Variants in MYO1D observed in about 807,000 individuals in gnomAD.
The protein encoded by MYO1D is unconventional myosin-Id.
MYO1D carries 83 observed loss-of-function variants against 122.0 expected under a neutral mutation model. The ratio of observed to expected loss-of-function variants is 0.68; its 90% CI spans 0.57 to 0.82. The LOEUF (loss-of-function observed/expected upper bound fraction) is 0.82. Among genes scored for constraint, MYO1D ranks in the 40% least tolerant of loss-of-function variants. The pLI is 0.00. For synonymous variants in MYO1D, 464 were observed against 446.9 expected (o/e 1.04, Z -0.48); for missense variants, 1,157 against 1,269.5 (o/e 0.91, Z 1.35).
At chr17:32,799,275 C>T (rs191132399) in intron 1 of MYO1D, among the ~76,000 whole-genome samples, 1 of 152,096 alleles carries the variant, frequency 6.6e-6, no homozygotes, top group African/African-American at 2.4e-5. Context: ...AATTAAATCT[C>T]GTTTATTGCT....
intron 21 of MYO1D, among the ~76,000 whole-genome samples, chr17:32,537,625 T>A (rs1287453065): frequency 6.6e-6 from 1 of 152,192 alleles, no homozygotes; most frequent in African/African-American, 2.4e-5. Context: ...AAACAACATT[T>A]AAATACTCCA....
intron 1 of MYO1D, among the ~76,000 whole-genome samples, chr17:32,835,022 C>A (rs1281909638): frequency 6.6e-6 from 1 of 152,040 alleles, no homozygotes; most frequent in East Asian, 1.9e-4. Context: ...AAAACAAAAA[C>A]AAACAAACAA....
At chr17:32,770,584 C>T (rs556135316) in intron 6 of MYO1D, among the ~76,000 whole-genome samples, 1 of 151,948 alleles carries the variant, frequency 6.6e-6, no homozygotes, top group Non-Finnish European at 1.5e-5. Flanking sequence ...AGCAAAAATA[C>T]GCCTGCATGT....
Position 32,659,212 on chromosome 17 carries a change from C to T in MYO1D, c.2248G>A (p.Val750Ile), listed in dbSNP as rs762168806. The change falls in exon 17 of 22, where the codon GTC becomes ATC. Residue 750 changes from valine (V) to isoleucine (I), a missense_variant. Transcript: ENST00000318217. ...IHEVARRFHG[V>I]KTMRDYGKHV... ...TTCCCGTAGTCTCGCATGGTCTTGA[C>T]GCCATGGAAGCGTCTGGCCACCTCG... The T allele has an allele frequency of 3.7e-6, 6 of 1,614,212 alleles. No individual in the cohort carries two copies. In the East Asian group the frequency reaches 6.7e-5, roughly 18 times the overall value.
chr17:32,648,128 C>A (rs183692516), intron 19 of MYO1D, among the ~76,000 whole-genome samples: 1 of 152,068 alleles, frequency 6.6e-6, no homozygotes, highest in African/African-American at 2.4e-5. Flanking sequence ...GCAGGAGAAT[C>A]GCTTGAACCC....
intron 21 of MYO1D, among the ~76,000 whole-genome samples, chr17:32,540,942 AAAGAC>A (rs1910821754): frequency 6.6e-6 from 1 of 151,694 alleles, no homozygotes; most frequent in Non-Finnish European, 1.5e-5. Flanking sequence ...AAAAAAAAAA[AAAGAC>A]AGTAAGTGTT....
At chr17:32,821,539 CAT>C (rs754189766) in intron 1 of MYO1D, among the ~76,000 whole-genome samples, 20,669 of 145,302 alleles carry the variant, frequency 0.14, 1,747 homozygotes, top group Middle Eastern at 0.25. Flanking sequence ...GTAAATCACA[CAT>C]ACACACACAC....
chr17:32,872,737 C>T (rs1256978126), intron 1 of MYO1D, among the ~76,000 whole-genome samples: 5 of 150,590 alleles, frequency 3.3e-5, no homozygotes, highest in Non-Finnish European at 7.4e-5. Context: ...TCACCCAGGC[C>T]GGACTGCGGA....
intron 20 of MYO1D, among the ~76,000 whole-genome samples, chr17:32,626,339 C>T (rs1434362943): frequency 2.0e-5 from 3 of 152,164 alleles, no homozygotes; most frequent in Non-Finnish European, 1.5e-5. Flanking sequence ...TATACATCTC[C>T]GTGTATGGCT....
chr17:32,711,388 C>T (rs2089374105), intron 16 of MYO1D, among the ~76,000 whole-genome samples: 1 of 152,222 alleles, frequency 6.6e-6, no homozygotes, highest in South Asian at 2.1e-4. Context: ...TGGCTCACGC[C>T]TGTAATCCCA....
chr17:32,639,529 T>TA (rs1218408299), intron 19 of MYO1D, among the ~76,000 whole-genome samples: 2 of 151,934 alleles, frequency 1.3e-5, no homozygotes, highest in Admixed American at 6.6e-5. Context: ...TAGACTTGGG[T>TA]AATAAACACA....
At chr17:32,698,240 C>A (rs1428349388) in intron 16 of MYO1D, among the ~76,000 whole-genome samples, 2 of 151,946 alleles carry the variant, frequency 1.3e-5, no homozygotes, top group Non-Finnish European at 2.9e-5. Context: ...TGTTTTCTTT[C>A]TTTTCTCTTT....
intron 21 of MYO1D, among the ~76,000 whole-genome samples, chr17:32,578,076 T>C (rs2087295935): frequency 6.6e-6 from 1 of 152,226 alleles, no homozygotes. Flanking sequence ...GAGGTAGCTA[T>C]TAGAATGCCC....
chr17:32,810,691 G>A (rs913762224), intron 1 of MYO1D, among the ~76,000 whole-genome samples: 13 of 152,036 alleles, frequency 8.6e-5, no homozygotes, highest in African/African-American at 3.1e-4. Context: ...TGGCCAGGCT[G>A]GTTTCGAACT....
intron 16 of MYO1D, among the ~76,000 whole-genome samples, chr17:32,665,336 T>C (rs2088622641): frequency 6.6e-6 from 1 of 152,092 alleles, no homozygotes; most frequent in African/African-American, 2.4e-5. Flanking sequence ...TCTCTCCCAC[T>C]AGAATTTAAG....
chr17:32,718,993 A>G (rs981530927), intron 15 of MYO1D, among the ~76,000 whole-genome samples: 2 of 152,250 alleles, frequency 1.3e-5, no homozygotes, highest in African/African-American at 4.8e-5. Context: ...CTTAGTAGGC[A>G]TTTCAAAGTG....
rs573402287 is a variant in MYO1D, at chr17:32,821,965, G to A, written c.96-41181C>T. ...TTCAACCATTGTGGAAGTCAGTGTG[G>A]CCATTCCTCAGGGATCTAGAACTAG... On this transcript the variant is annotated intron_variant, in intron 1 of 21. Coordinates refer to ENST00000318217, the MANE Select transcript of MYO1D (RefSeq NM_015194.3). 5.9e-5 allele frequency among the ~76,000 whole-genome samples: 9 copies of A among 152,286 alleles called. No homozygotes were observed. In the South Asian group the frequency reaches 1.4e-3, roughly 25 times the overall value.
chr17:32,719,004 A>G (rs1598036905), intron 15 of MYO1D, among the ~76,000 whole-genome samples: 1 of 152,348 alleles, frequency 6.6e-6, no homozygotes, highest in Middle Eastern at 3.4e-3. Context: ...TTTCAAAGTG[A>G]ACATAGAGAT....
At chr17:32,804,931 T>C (rs145439762) in intron 1 of MYO1D, among the ~76,000 whole-genome samples, 91 of 152,304 alleles carry the variant, frequency 6.0e-4, no homozygotes, top group South Asian at 2.1e-4. Context: ...ACAAGCTGGA[T>C]TGGTCACACA....
Sources: allele counts gnomAD v4.1 joint callset (sites outside exome capture counted in the v4.1 genomes callset), GRCh38; gene constraint gnomAD v4.1.1; transcripts MANE v1.5; gene names NCBI Gene and HGNC (gene_info 2026-07-23, HGNC 2026-07-21).